The following PCDHGA8 variants were observed in gnomAD, a reference collection of about 807,000 sequenced individuals.
PCDHGA8 encodes the protein protocadherin gamma-A8.
In PCDHGA8, 45 loss-of-function variants were observed where a neutral mutation model predicts 59.2. The ratio of observed to expected loss-of-function variants is 0.76; its 90% CI spans 0.60 to 0.98. PCDHGA8 has a LOEUF of 0.98. Ranked by LOEUF, PCDHGA8 falls within the 50% of genes least tolerant of loss-of-function variation. PCDHGA8 has a pLI of 0.00. For synonymous variants in PCDHGA8, 531 were observed against 519.0 expected (o/e 1.02, Z -0.32); for missense variants, 1,257 against 1,196.2 (o/e 1.05, Z -0.75).
Position 141,393,524 on chromosome 5 carries a change from C to T in PCDHGA8, c.711C>T (p.Asp237=), listed in dbSNP as rs1197723193. 4 of 1,614,010 alleles carry T rather than the reference C, an allele frequency of 2.5e-6. No individual in the cohort carries two copies. Among genetic ancestry groups the T allele is most frequent in the South Asian group, 2.2e-5 (2 of 91,088 alleles). ...ACGTGACAGTGTTGGATACAAATGA[C>T]AATGCCCCGGTTTTTCCTCACCCGA... The part of the protein sequence containing the change: ...RIHVTVLDTN[D]NAPVFPHPIY... Residue 237 remains aspartate (D), a synonymous_variant, in exon 1 of 4, where the codon GAC becomes GAT. Coordinates refer to ENST00000398604, the MANE Select transcript of PCDHGA8 (RefSeq NM_032088.2).
At chr5:141,406,255 A>G (rs1456869005) in intron 1 of PCDHGA8, among the ~76,000 whole-genome samples, 1 of 151,948 alleles carries the variant, frequency 6.6e-6, no homozygotes, top group Admixed American at 6.5e-5. Context: ...ACTGGTCTCA[A>G]ACGATCTTCC....
chr5:141,501,333 A>ACACACACC (rs1186649373), intron 2 of PCDHGA8, among the ~76,000 whole-genome samples: 1 of 140,020 alleles, frequency 7.1e-6, no homozygotes, highest in African/African-American at 2.6e-5. Context: ...ACACACACAC[A>ACACACACC]CCCCAAACTC....
In PCDHGA8 at chr5:141,478,732, T is replaced by C. The variant is rs772167680; in HGVS notation, c.2425-16075T>C. 7.2e-6 allele frequency: 11 copies of C among 1,537,428 alleles called. No homozygotes were observed. In the South Asian group the frequency reaches 1.2e-4, roughly 17 times the overall value. On this transcript the variant is annotated intron_variant, in intron 1 of 3. Transcript: ENST00000398604. ...GAGATGGTGGCCTGCCAGAGTGTGG[T>C]TTGTGGTCCCATTTCAGGGGGAAGA...
intron 1 of PCDHGA8, chr5:141,419,888 G>A: frequency 6.2e-7 from 1 of 1,614,056 alleles, no homozygotes; most frequent in Non-Finnish European, 8.5e-7. Context: ...GGATTTCAGC[G>A]ACCATCCCAC....
rs374476072 is a variant in PCDHGA8, at chr5:141,419,103, C to T, written c.2424+23866C>T. 5 of 1,613,886 alleles carry T rather than the reference C, an allele frequency of 3.1e-6. 1 individual carries two copies. Among genetic ancestry groups the T allele is most frequent in the South Asian group, 1.1e-5 (1 of 91,088 alleles). On this transcript the variant is annotated intron_variant, in intron 1 of 3. Transcript: ENST00000398604. ...GATGAGGCCCTGGATCGGGAGCAGA[C>T]CCCAGAGTACAACGTCACCATCGCA... is the stretch of plus-strand genomic sequence containing the variant.
At chr5:141,426,788 T>C (rs2096960035) in intron 1 of PCDHGA8, 1 of 456,568 alleles carries the variant, frequency 2.2e-6, no homozygotes, top group African/African-American at 2.0e-5. Context: ...CTCTCCAGAG[T>C]TACCAGCTCA....
chr5:141,431,603 C>T lies in PCDHGA8; in HGVS notation c.2424+36366C>T, dbSNP rs746243366. On this transcript the variant is annotated intron_variant, in intron 1 of 3. Coordinates refer to ENST00000398604, the MANE Select transcript of PCDHGA8 (RefSeq NM_032088.2). This position sits in a 1 kb window ranked among gnomAD's most constrained non-coding sequence, Gnocchi z 4.8. ...CAATGCGGAAGTGAGGTATTCCTTC[C>T]GGTATGTGGACGACAAGGCGGCCCA... is the stretch of plus-strand genomic sequence containing the variant. 1.1e-5 allele frequency: 17 copies of T among 1,614,212 alleles called. No individual in the cohort carries two copies. Among genetic ancestry groups the T allele is most frequent in the Non-Finnish European group, 1.4e-5 (16 of 1,180,044 alleles).
Position 141,423,691 on chromosome 5 carries a change from T to C in PCDHGA8, c.2424+28454T>C. On this transcript the variant is annotated intron_variant, in intron 1 of 3. Coordinates refer to ENST00000398604, the MANE Select transcript of PCDHGA8 (RefSeq NM_032088.2). Reference sequence around the variant, plus strand: ...ATTTATTTCTCTGCCTCCTAATTGTTGGTGTCTTGGCACAAGTCTTTTAAG... The same window carrying C: ...ATTTATTTCTCTGCCTCCTAATTGTCGGTGTCTTGGCACAAGTCTTTTAAG... 5 of 1,506,830 alleles carry C rather than the reference T, an allele frequency of 3.3e-6. No individual in the cohort carries two copies. The South Asian group carries it at 6.9e-5, about 21-fold the overall frequency. 93.3% of individuals were successfully genotyped at this position (1,506,830 alleles called of 1,614,324 possible).
chr5:141,412,020 C>G (rs1158851404), intron 1 of PCDHGA8: 1 of 145,358 alleles, frequency 6.9e-6, no homozygotes, highest in Non-Finnish European at 1.5e-5. Context: ...TCTGAACATC[C>G]TGTTCTCTGT....
chr5:141,471,058 T>C (rs991869999), intron 1 of PCDHGA8, among the ~76,000 whole-genome samples: 2 of 149,826 alleles, frequency 1.3e-5, no homozygotes, highest in Non-Finnish European at 3.0e-5. Context: ...TTTTTTTTTT[T>C]TTTTTTTTGA....
At position 141,487,385 on chromosome 5, in the gene PCDHGA8, CGAA is replaced by C; in HGVS notation, c.2425-7420_2425-7418del. 6.2e-7 allele frequency: 1 copy of C among 1,614,160 alleles called. No individual in the cohort carries two copies. The highest frequency in any genetic ancestry group is 8.5e-7 in the Non-Finnish European group (1 of 1,180,046). On this transcript the variant is annotated intron_variant, in intron 1 of 3. Coordinates refer to ENST00000398604, the MANE Select transcript of PCDHGA8 (RefSeq NM_032088.2). The surrounding 1 kb of genome is among the most constrained non-coding windows in gnomAD (Gnocchi z 5.0). ...CACCTGTGCCTGTCTCACCAGATCTCGAAGGAGGGAGGGGCTTCCCCCTTCCAA... is the reference window on the plus strand; with the variant it reads ...CACCTGTGCCTGTCTCACCAGATCTCGGAGGGAGGGGCTTCCCCCTTCCAA...
At chr5:141,454,019 A>G (rs905033407) in intron 1 of PCDHGA8, among the ~76,000 whole-genome samples, 1 of 152,262 alleles carries the variant, frequency 6.6e-6, no homozygotes, top group African/African-American at 2.4e-5. Flanking sequence ...AGAAAAATGT[A>G]TTAAGAATTG....
intron 2 of PCDHGA8, among the ~76,000 whole-genome samples, chr5:141,499,133 T>C (rs1443866975): frequency 6.6e-6 from 1 of 152,184 alleles, no homozygotes; most frequent in East Asian, 1.9e-4. Context: ...GGTCATCCTT[T>C]GGGTGTCTGA....
intron 1 of PCDHGA8, chr5:141,404,996 G>C (rs776423830): frequency 6.2e-7 from 1 of 1,613,974 alleles, no homozygotes; most frequent in South Asian, 1.1e-5. Context: ...TCAGATCCCT[G>C]CAGACCTGGA....
intron 1 of PCDHGA8, among the ~76,000 whole-genome samples, chr5:141,483,755 G>A (rs2099586573): frequency 6.6e-6 from 1 of 152,130 alleles, no homozygotes. Flanking sequence ...TGAGGATCGA[G>A]GCTTGGAAAA....
chr5:141,408,219 C>T (rs560438654), intron 1 of PCDHGA8: 4 of 1,557,930 alleles, frequency 2.6e-6, no homozygotes, highest in East Asian at 4.8e-5. Flanking sequence ...GGGAGCTGCG[C>T]GCAGAGGCGC....
At position 141,476,402 on chromosome 5, in the gene PCDHGA8, G is replaced by A. The variant is rs775511298; in HGVS notation, c.2425-18405G>A. The stretch of plus-strand genomic sequence containing the variant: ...TGTGAACGACCGTCTGGATCGAGAG[G>A]AGCTGTGTGGGACACTGCCCTCTTG... On this transcript the variant is annotated intron_variant, in intron 1 of 3. Coordinates refer to ENST00000398604, the MANE Select transcript of PCDHGA8 (RefSeq NM_032088.2). This position sits in a 1 kb window ranked among gnomAD's most constrained non-coding sequence, Gnocchi z 7.6. 9 of 1,613,992 alleles carry A rather than the reference G, an allele frequency of 5.6e-6. No individual in the cohort carries two copies. Among genetic ancestry groups the A allele is most frequent in the African/African-American group, 1.3e-5 (1 of 74,904 alleles).
Position 141,490,220 on chromosome 5 carries a change from A to G in PCDHGA8, c.2425-4587A>G. 6.2e-7 allele frequency: 1 copy of G among 1,614,252 alleles called. No individual in the cohort carries two copies. Among genetic ancestry groups the G allele is most frequent in the Non-Finnish European group, 8.5e-7 (1 of 1,180,044 alleles). On this transcript the variant is annotated intron_variant, in intron 1 of 3. Coordinates refer to ENST00000398604, the MANE Select transcript of PCDHGA8 (RefSeq NM_032088.2). This position sits in a 1 kb window ranked among gnomAD's most constrained non-coding sequence, Gnocchi z 5.4. The stretch of plus-strand genomic sequence containing the variant: ...CATGCAAGAGCCCGTGACCAGGGAC[A>G]GCCTGCCATGGAGGGCCACTGTGTG...
At chr5:141,468,160 G>C (rs2099158881) in intron 1 of PCDHGA8, among the ~76,000 whole-genome samples, 1 of 151,468 alleles carries the variant, frequency 6.6e-6, no homozygotes, top group African/African-American at 2.4e-5. Context: ...CCCTGTCTCT[G>C]CTAAAAATAG....
Sources: gnomAD v4.1 joint callset for allele counts (sites outside exome capture counted in the v4.1 genomes callset) on GRCh38, gnomAD v4.1.1 for gene constraint, Gnocchi (gnomAD v3.1) non-coding constraint, MANE v1.5 for transcripts, NCBI Gene and HGNC (gene_info 2026-07-23, HGNC 2026-07-21) for gene names.